PGM3: variants seen among roughly 807,000 people sequenced by gnomAD.
PGM3 encodes the protein phosphoacetylglucosamine mutase.
In PGM3, 40 loss-of-function variants were observed where a neutral mutation model predicts 66.2. That is an observed-to-expected ratio of 0.60 (90% confidence interval 0.47 to 0.79). The LOEUF (loss-of-function observed/expected upper bound fraction) is 0.79, where lower values mean the gene tolerates loss of function less well. PGM3 is among the 30% of genes least tolerant of loss of function. PGM3 has a pLI of 0.00. For missense variants in PGM3, 537 were observed against 643.4 expected (o/e 0.83, Z 1.79); for synonymous variants, 191 against 224.2 (o/e 0.85, Z 1.32).
rs1786344537 is a variant in PGM3, at chr6:83,168,305, T to C, written c.*929A>G. 2.1e-6 allele frequency: 3 copies of C among 1,429,628 alleles called. No homozygotes were observed. The highest frequency in any genetic ancestry group is 2.9e-5 in the Admixed American group (1 of 34,684). The allele number at this position is 1,429,628 out of a possible 1,614,324, so 88.6% of individuals were successfully genotyped here. A position where few individuals can be genotyped will look rare whatever the true frequency, so the allele number is the denominator to read the frequency against. On this transcript the variant is annotated 3_prime_UTR_variant, in exon 13 of 13. Coordinates refer to ENST00000513973, the MANE Select transcript of PGM3 (RefSeq NM_015599.3). ...ATTGTATTTAATTTAAATATTTGTATATAAGAGCAAATGTCTGAATGTGGC... is the reference window on the plus strand; with the variant it reads ...ATTGTATTTAATTTAAATATTTGTACATAAGAGCAAATGTCTGAATGTGGC...
chr6:83,191,351 G>T (rs1789033176), intron 1 of PGM3: 1 of 842,036 alleles, frequency 1.2e-6, no homozygotes, highest in African/African-American at 1.7e-5. Flanking sequence ...CACCTATTCA[G>T]AGACTCCAAT....
downstream of PGM3, among the ~76,000 whole-genome samples, chr6:83,160,224 G>A (rs1248471235): frequency 4.6e-5 from 7 of 152,192 alleles, no homozygotes; most frequent in African/African-American, 1.7e-4. Context: ...TCCAGGGAAG[G>A]AGACATACTC....
chr6:83,179,224 T>C (rs960563443), intron 7 of PGM3, among the ~76,000 whole-genome samples: 3 of 151,334 alleles, frequency 2.0e-5, no homozygotes, highest in Non-Finnish European at 2.9e-5. Flanking sequence ...GGCAGAAGAA[T>C]TGCTTGAGCC....
In PGM3 at chr6:83,167,997, A is replaced by G; in HGVS notation, c.*1237T>C. On this transcript the variant is annotated 3_prime_UTR_variant, in exon 13 of 13. Coordinates refer to ENST00000513973, the MANE Select transcript of PGM3 (RefSeq NM_015599.3). The stretch of plus-strand genomic sequence containing the variant: ...TGTGCTCAGTCAAGTCTTCAACAGC[A>G]AAGTCACAAGCCGATGTGGAGGACA... The G allele has an allele frequency of 6.2e-7, 1 of 1,614,186 alleles. No homozygotes were observed. Among genetic ancestry groups the G allele is most frequent in the Non-Finnish European group, 8.5e-7 (1 of 1,180,038 alleles).
the PGM3 span, among the ~76,000 whole-genome samples, chr6:83,149,870 A>G: frequency 6.6e-6 from 1 of 152,176 alleles, no homozygotes; most frequent in African/African-American, 2.4e-5. Flanking sequence ...TTAAGAGAGC[A>G]TGGTTAACAC....
At chr6:83,159,981 TA>T (rs748228927), downstream of PGM3, 7 of 1,610,942 alleles carry the variant, frequency 4.3e-6, no homozygotes, top group Non-Finnish European at 5.1e-6. Flanking sequence ...GCAAGGATAT[TA>T]AATGGTTATT....
chr6:83,178,912 G>A (rs1229036578), intron 7 of PGM3, among the ~76,000 whole-genome samples, 156 bp from the exon 8 acceptor site: 1 of 152,178 alleles, frequency 6.6e-6, no homozygotes, highest in Non-Finnish European at 1.5e-5. Context: ...ATGTATGCCA[G>A]GAAAAAAGCC....
rs2307911 is a variant in PGM3, at chr6:83,170,741, C to CTT, written c.1366-264_1366-263insAA. ...ATAATGGCCAGTAAATACGATATGA[C>CTT]TAAGTCCCATATCACACACAAAAAC... On this transcript the variant is annotated intron_variant, in intron 11 of 12. Transcript: ENST00000513973. 0.29 allele frequency: 95,402 copies of CTT among 327,000 alleles called. 16,382 individuals are homozygous for CTT. Among genetic ancestry groups the CTT allele is most frequent in the African/African-American group, 0.56 (26,634 of 47,738 alleles). The allele number at this position is 327,000 out of a possible 1,614,324, so 20.3% of individuals were successfully genotyped here.
At chr6:83,182,463 T>A (rs1236359229) in intron 5 of PGM3, among the ~76,000 whole-genome samples, 1 of 152,162 alleles carries the variant, frequency 6.6e-6, no homozygotes, top group Non-Finnish European at 1.5e-5. Flanking sequence ...ACTTCTCAAA[T>A]CTCTCTACAT....
At chr6:83,153,752 A>T in the PGM3 span, 1 of 1,170,434 alleles carries the variant, frequency 8.5e-7, no homozygotes, top group Non-Finnish European at 1.2e-6. Context: ...GTTTAAAAAA[A>T]TTCATATATT....
chr6:83,156,775 C>G (rs1458601495), downstream of PGM3, among the ~76,000 whole-genome samples: 2 of 152,168 alleles, frequency 1.3e-5, no homozygotes, highest in African/African-American at 4.8e-5. Context: ...TTCCTTGTTT[C>G]CTAACCTTTT....
At position 83,175,631 on chromosome 6, in the gene PGM3, C is replaced by G. The variant is rs1465974411; in HGVS notation, c.1128+331G>C. 2.6e-5 allele frequency among the ~76,000 whole-genome samples: 4 copies of G among 152,256 alleles called. No individual in the cohort carries two copies. In the East Asian group the frequency reaches 7.7e-4, roughly 29 times the overall value. ...ATCAACTTTCCAACACTTTGCAATTCACCATAGCGACTGAATTTTTCTTTT... is the reference window on the plus strand; with the variant it reads ...ATCAACTTTCCAACACTTTGCAATTGACCATAGCGACTGAATTTTTCTTTT... On this transcript the variant is annotated intron_variant, in intron 9 of 12. Transcript: ENST00000513973.
In PGM3 at chr6:83,181,898, T is replaced by C. The variant is rs1788203079; in HGVS notation, c.625A>G (p.Lys209Glu). ...CCTATGCCATTTGCACAGTCAACCTTAAGTGATCTGTATTCATCTCCACTG... is the reference window on the plus strand; with the variant it reads ...CCTATGCCATTTGCACAGTCAACCTCAAGTGATCTGTATTCATCTCCACTG... ...SCSGDEYRSLKVDCANGIGAL... is the reference protein window; with the variant it reads ...SCSGDEYRSLEVDCANGIGAL... Residue 209 changes from lysine (K) to glutamate (E), a missense_variant, in exon 6 of 13, where the codon AAG becomes GAG. Transcript: ENST00000513973. The C allele has an allele frequency of 6.2e-7, 1 of 1,612,796 alleles. No homozygotes were observed. Among genetic ancestry groups the C allele is most frequent in the Non-Finnish European group, 8.5e-7 (1 of 1,179,620 alleles).
intron 7 of PGM3, among the ~76,000 whole-genome samples, chr6:83,179,079 G>T (rs1370468861): frequency 1.3e-5 from 2 of 152,176 alleles, no homozygotes; most frequent in Admixed American, 1.3e-4. Context: ...GGGAGGCCAA[G>T]GTGGGTGGAT....
downstream of PGM3, among the ~76,000 whole-genome samples, chr6:83,161,756 G>A (rs1428793153): frequency 3.3e-5 from 5 of 152,068 alleles, no homozygotes; most frequent in Non-Finnish European, 7.4e-5. Flanking sequence ...TTGTCCAATT[G>A]TTCAGAGGTT....
chr6:83,181,997 C>T, intron 5 of PGM3, 66 bp from the exon 6 acceptor site: 1 of 944,720 alleles, frequency 1.1e-6, no homozygotes, highest in Non-Finnish European at 1.6e-6. Flanking sequence ...AAATATAAAG[C>T]ATATATACAT....
At chr6:83,187,836 T>G (rs1788697640) in intron 3 of PGM3, among the ~76,000 whole-genome samples, 1 of 152,102 alleles carries the variant, frequency 6.6e-6, no homozygotes, top group South Asian at 2.1e-4. Flanking sequence ...AACTGCCTTG[T>G]AGGAAAAAAC....
rs1460234837 is a variant in PGM3 at position 83,167,993 on chromosome 6, C to T, written c.*1241G>A. 6.2e-7 allele frequency: 1 copy of T among 1,614,034 alleles called. No individual in the cohort carries two copies. Among genetic ancestry groups the T allele is most frequent in the Non-Finnish European group, 8.5e-7 (1 of 1,180,044 alleles). ...TCAATGTGCTCAGTCAAGTCTTCAA[C>T]AGCAAAGTCACAAGCCGATGTGGAG... is the stretch of plus-strand genomic sequence containing the variant. On this transcript the variant is annotated 3_prime_UTR_variant, in exon 13 of 13. Transcript: ENST00000513973.
rs972994679 is a variant in PGM3 at position 83,182,064 on chromosome 6, T to C, written c.592-133A>G. 6 of 514,356 alleles carry C rather than the reference T, an allele frequency of 1.2e-5. No homozygotes were observed. In the East Asian group the frequency reaches 1.6e-4, roughly 14 times the overall value. 31.9% of individuals were successfully genotyped at this position (514,356 alleles called of 1,614,324 possible). A position where few individuals can be genotyped will look rare whatever the true frequency, so the allele number is the denominator to read the frequency against. ...TTTAATTTTTAAATTTTATCAATTA[T>C]AATTGTGTTCATTTTTCAATTTTTA... On this transcript the variant is annotated intron_variant, in intron 5 of 12. Coordinates refer to ENST00000513973, the MANE Select transcript of PGM3 (RefSeq NM_015599.3).
Sources: gnomAD v4.1 joint callset for allele counts (sites outside exome capture counted in the v4.1 genomes callset) on GRCh38, gnomAD v4.1.1 for gene constraint, MANE v1.5 for transcripts, NCBI Gene and HGNC (gene_info 2026-07-23, HGNC 2026-07-21) for gene names.